Variants in CACUL1 observed in about 807,000 individuals in gnomAD.
The protein encoded by CACUL1 is CDK2-associated and cullin domain-containing protein 1.
In CACUL1, 13 loss-of-function variants were observed where a neutral mutation model predicts 45.2. The observed-to-expected ratio is 0.29, with a 90% CI of 0.19 to 0.46. The LOEUF is 0.46. Ranked by LOEUF, CACUL1 falls within the 20% of genes least tolerant of loss-of-function variation. The pLI is 1.00. For missense variants in CACUL1, 421 were observed against 471.4 expected, an observed-to-expected ratio of 0.89 and a Z score of 0.99; for synonymous variants, 197 against 174.2, an observed-to-expected ratio of 1.13 and a Z score of -1.03.
intron 3 of CACUL1, among the ~76,000 whole-genome samples, chr10:118,711,022 G>A (rs1023249845): frequency 6.6e-6 from 1 of 152,190 alleles, no homozygotes; most frequent in African/African-American, 2.4e-5. Context: ...TATGCAACTA[G>A]TAAGTAAACT....
At chr10:118,729,945 T>C (rs1207141000) in intron 2 of CACUL1, among the ~76,000 whole-genome samples, 1 of 152,216 alleles carries the variant, frequency 6.6e-6, no homozygotes, top group Non-Finnish European at 1.5e-5. Context: ...GAGTTAGAAT[T>C]GTGTGTCAAT....
At chr10:118,710,927 A>G (rs1845478758) in intron 3 of CACUL1, among the ~76,000 whole-genome samples, 1 of 152,242 alleles carries the variant, frequency 6.6e-6, no homozygotes, top group African/African-American at 2.4e-5. Flanking sequence ...AAAATAGGAA[A>G]AATACTAGCT....
intron 7 of CACUL1, among the ~76,000 whole-genome samples, chr10:118,690,607 A>T (rs1845255730): frequency 6.6e-6 from 1 of 152,230 alleles, no homozygotes; most frequent in African/African-American, 2.4e-5. Flanking sequence ...CAGAATTTAA[A>T]GCCTCTATGC....
rs1364543614 is a variant in CACUL1, at chr10:118,678,554, A to G, written c.*7574T>C. ...TTTTGGAATTGCAATTTGGAGAAAA[A>G]GTTGAGATTTAGATAATATTGAGTG... On this transcript the variant is annotated 3_prime_UTR_variant, in exon 9 of 9. Transcript: ENST00000369151. 1 of 152,150 alleles carries G rather than the reference A, an allele frequency of 6.6e-6. No individual in the cohort carries two copies. Among genetic ancestry groups the G allele is most frequent in the Non-Finnish European group, 1.5e-5 (1 of 68,012 alleles). 9.4% of individuals were successfully genotyped at this position (152,150 alleles called of 1,614,324 possible).
rs1845116467 is a variant in CACUL1 at position 118,678,275 on chromosome 10, A to T, written c.*7853T>A. ...TCACTCTACAGCATGTTTGGTAATA[A>T]GTACTTACAATCAATGGTAGCCAAA... On this transcript the variant is annotated 3_prime_UTR_variant, in exon 9 of 9. Transcript: ENST00000369151. 6.6e-6 allele frequency: 1 copy of T among 152,224 alleles called. No homozygotes were observed. Among genetic ancestry groups the T allele is most frequent in the Admixed American group, 6.5e-5 (1 of 15,288 alleles). The allele number at this position is 152,224 out of a possible 1,614,324, so 9.4% of individuals were successfully genotyped here.
At chr10:118,726,118 G>C (rs1845649642) in intron 3 of CACUL1, among the ~76,000 whole-genome samples, 1 of 152,154 alleles carries the variant, frequency 6.6e-6, no homozygotes, top group Non-Finnish European at 1.5e-5. Context: ...GAAAACCAGA[G>C]CTGCAAACAA....
intron 1 of CACUL1, among the ~76,000 whole-genome samples, chr10:118,740,901 G>C (rs1287181071): frequency 6.6e-6 from 1 of 151,526 alleles, no homozygotes; most frequent in Non-Finnish European, 1.5e-5. Flanking sequence ...ACTCCAGCCT[G>C]GGCGACAGTG....
intron 4 of CACUL1, among the ~76,000 whole-genome samples, chr10:118,702,134 G>C (rs769678143): frequency 3.9e-5 from 6 of 152,148 alleles, no homozygotes; most frequent in Non-Finnish European, 7.3e-5. Flanking sequence ...GCTCCCTGCG[G>C]AGCTCCTGGG....
chr10:118,707,767 T>C (rs1845446726), intron 3 of CACUL1, among the ~76,000 whole-genome samples, 180 bp from the exon 4 acceptor site: 1 of 151,740 alleles, frequency 6.6e-6, no homozygotes, highest in Non-Finnish European at 1.5e-5. Flanking sequence ...TTCCAAAATC[T>C]GCTATGTAAA....
chr10:118,685,944 G>GTTTT lies in CACUL1; in HGVS notation c.*180_*183dup. 6.1e-6 allele frequency: 2 copies of GTTTT among 325,882 alleles called. No individual in the cohort carries two copies. The highest frequency in any genetic ancestry group is 5.6e-6 in the Non-Finnish European group (1 of 180,068). The allele number at this position is 325,882 out of a possible 1,614,324, so 20.2% of individuals were successfully genotyped here. A position where few individuals can be genotyped will look rare whatever the true frequency, so the allele number is the denominator to read the frequency against. On this transcript the variant is annotated 3_prime_UTR_variant, in exon 9 of 9. Coordinates refer to ENST00000369151, the MANE Select transcript of CACUL1 (RefSeq NM_153810.5). Reference sequence around the variant, plus strand: ...AATCACCCCCAAGTCTAGCAGCAACGTTTTTTTTTTTTTTAGTTTTTGTTT... The same window carrying GTTTT: ...AATCACCCCCAAGTCTAGCAGCAACGTTTTTTTTTTTTTTTTTTAGTTTTTGTTT...
intron 3 of CACUL1, among the ~76,000 whole-genome samples, chr10:118,727,377 G>A (rs1254384084): frequency 1.4e-5 from 2 of 142,662 alleles, no homozygotes; most frequent in Non-Finnish European, 3.0e-5. Context: ...CTGGGAGACA[G>A]AGCGAGACCC....
In CACUL1 at chr10:118,691,392, T is replaced by A. The variant is rs1845264274; in HGVS notation, c.898A>T (p.Met300Leu). Residue 300 changes from methionine to leucine, a missense_variant, in exon 7 of 9, where the codon ATG (methionine) becomes TTG (leucine). Around this residue, in one of 2 missense-constraint regions of CACUL1, gnomAD observed 208 missense variants for 298.4 expected, o/e 0.70. Coordinates refer to ENST00000369151, the MANE Select transcript of CACUL1 (RefSeq NM_153810.5). Reference sequence around the variant, plus strand: ...AATTTAGAAAATAGAGTTGGAGCCATCTGAACCCACTCTGTGAGGAAAGGA... The same window carrying A: ...AATTTAGAAAATAGAGTTGGAGCCAACTGAACCCACTCTGTGAGGAAAGGA... Reference protein sequence around the residue: ...LYTLRPEWVQMAPTLFSKFIP... With the variant: ...LYTLRPEWVQLAPTLFSKFIP... The A allele has an allele frequency of 6.2e-7, 1 of 1,612,330 alleles. No individual in the cohort carries two copies.
At chr10:118,696,899 C>T (rs753490421) in intron 5 of CACUL1, among the ~76,000 whole-genome samples, 2 of 152,192 alleles carry the variant, frequency 1.3e-5, no homozygotes, top group African/African-American at 2.4e-5. Context: ...ACTAACTCTT[C>T]GTATTCAACC....
At chr10:118,738,873 GAAGT>G (rs1436323476) in intron 1 of CACUL1, among the ~76,000 whole-genome samples, 1 of 60,386 alleles carries the variant, frequency 1.7e-5, no homozygotes, top group African/African-American at 6.0e-5. Context: ...TCATAAAAAA[GAAGT>G]AATCCAAGTG....
chr10:118,739,130 A>G (rs1459540126), intron 1 of CACUL1, among the ~76,000 whole-genome samples: 1 of 151,464 alleles, frequency 6.6e-6, no homozygotes, highest in East Asian at 1.9e-4. Context: ...CGGGAGGTGG[A>G]GCTTGCAGTG....
chr10:118,687,767 C>T (rs1187251214), intron 7 of CACUL1, among the ~76,000 whole-genome samples: 1 of 152,212 alleles, frequency 6.6e-6, no homozygotes, highest in Non-Finnish European at 1.5e-5. Flanking sequence ...ACTGGCTGTC[C>T]CTTGCATGTC....
chr10:118,686,148 T>C lies in CACUL1; in HGVS notation c.1090A>G (p.Ser364Gly), dbSNP rs1288950280. The C allele has an allele frequency of 2.5e-6, 4 of 1,613,214 alleles. No individual in the cohort carries two copies. Among genetic ancestry groups the C allele is most frequent in the Non-Finnish European group, 2.5e-6 (3 of 1,179,250 alleles). The change falls in exon 9 of 9, where the codon AGT becomes GGT. Residue 364 changes from serine (S) to glycine (G), a missense_variant. Physicochemically the swap from Ser to Gly is moderately conservative, Grantham distance 56. This residue lies in a region of CACUL1 where 208 missense variants were observed against 298.4 expected (regional missense o/e 0.70). Transcript: ENST00000369151. Reference sequence around the variant, plus strand: ...ATTCACTATCTGTACCCCCTGGAACTTGCACATGCTGACGAGCTATCTGAA... The same window carrying C: ...ATTCACTATCTGTACCCCCTGGAACCTGCACATGCTGACGAGCTATCTGAA... ...LAYNSSSACA[S>G]SRGYR
chr10:118,723,303 G>C (rs1845618704), intron 3 of CACUL1, among the ~76,000 whole-genome samples: 1 of 151,858 alleles, frequency 6.6e-6, no homozygotes, highest in Non-Finnish European at 1.5e-5. Context: ...TGAAAATAAA[G>C]TAGTGCTTTA....
chr10:118,729,477 G>A, intron 2 of CACUL1, 80 bp from the exon 3 acceptor site: 1 of 935,282 alleles, frequency 1.1e-6, no homozygotes, highest in Admixed American at 2.0e-5. Context: ...GCACACTTTT[G>A]ATATATAACC....
Sources: gnomAD v4.1 joint callset for allele counts (sites outside exome capture counted in the v4.1 genomes callset) on GRCh38, gnomAD v4.1.1 for gene constraint, gnomAD v4.1.1 regional missense constraint, MANE v1.5 for transcripts, NCBI Gene and HGNC (gene_info 2026-07-23, HGNC 2026-07-21) for gene names.